Variants in BMPR1B observed in about 807,000 individuals in gnomAD.
BMPR1B encodes the protein bone morphogenetic protein receptor type-1B.
In BMPR1B, 12 loss-of-function variants were observed where a neutral mutation model predicts 59.1. The observed-to-expected ratio is 0.20, with a 90% CI of 0.13 to 0.33. BMPR1B has a LOEUF of 0.33. BMPR1B is among the 10% of genes least tolerant of loss of function. The pLI is 1.00. For missense variants in BMPR1B, 550 were observed against 610.9 expected, an observed-to-expected ratio of 0.90 and a Z score of 1.05; for synonymous variants, 237 against 207.3, an observed-to-expected ratio of 1.14 and a Z score of -1.23.
chr4:94,935,953 T>A (rs567705733), intron 2 of BMPR1B, among the ~76,000 whole-genome samples: 35 of 150,182 alleles, frequency 2.3e-4, no homozygotes, highest in Non-Finnish European at 4.6e-4. Flanking sequence ...GTTGTTAGAC[T>A]ATAATGTAAG....
intron 3 of BMPR1B, among the ~76,000 whole-genome samples, chr4:95,064,488 C>A (rs1727651403): frequency 6.6e-6 from 1 of 152,140 alleles, no homozygotes; most frequent in Non-Finnish European, 1.5e-5. Context: ...CCCACCACCC[C>A]TCCCACCCCT....
chr4:94,855,350 C>G (rs1725714776), intron 1 of BMPR1B, among the ~76,000 whole-genome samples: 1 of 152,244 alleles, frequency 6.6e-6, no homozygotes, highest in Non-Finnish European at 1.5e-5. Context: ...TTATCTTGCT[C>G]AAGGTCACAC....
At chr4:94,979,301 T>C (rs573264251) in intron 2 of BMPR1B, among the ~76,000 whole-genome samples, 1 of 152,326 alleles carries the variant, frequency 6.6e-6, no homozygotes, top group East Asian at 1.9e-4. Context: ...CCAAAGTTAA[T>C]AGACTGTAGG....
rs111576213 is a variant in BMPR1B, at chr4:95,039,253, C to T, written c.-18+43119C>T. The stretch of plus-strand genomic sequence containing the variant: ...CTTGAGTTTCTTACTTCTCTTATTT[C>T]GTGCACATTAAATATCTTATGCTTT... On this transcript the variant is annotated intron_variant, in intron 3 of 12. Transcript: ENST00000515059. Among the ~76,000 whole-genome samples, 445 of 152,208 alleles carry T rather than the reference C, an allele frequency of 2.9e-3. 1 individual carries two copies. Among genetic ancestry groups the T allele is most frequent in the African/African-American group, 0.01 (417 of 41,540 alleles).
intron 2 of BMPR1B, among the ~76,000 whole-genome samples, chr4:94,915,427 C>T (rs1159520304): frequency 1.3e-5 from 2 of 152,194 alleles, no homozygotes; most frequent in East Asian, 3.9e-4. Context: ...CACCCCTCCT[C>T]CCATGCTTAC....
chr4:94,998,572 C>T (rs1026666935), intron 3 of BMPR1B, among the ~76,000 whole-genome samples: 1 of 152,034 alleles, frequency 6.6e-6, no homozygotes, highest in Non-Finnish European at 1.5e-5. Context: ...AGGGTTTCTC[C>T]ATGTTAGTCA....
chr4:94,841,370 G>A (rs1217867789), intron 1 of BMPR1B, among the ~76,000 whole-genome samples: 8 of 150,286 alleles, frequency 5.3e-5, no homozygotes, highest in South Asian at 4.2e-4. Context: ...CCTCGCTGCC[G>A]CCTTGCAGTT....
chr4:94,921,582 A>G (rs886982255), intron 2 of BMPR1B, among the ~76,000 whole-genome samples: 1 of 151,988 alleles, frequency 6.6e-6, no homozygotes. Flanking sequence ...ACCGCATCTC[A>G]TGAGAACTCA....
intron 1 of BMPR1B, among the ~76,000 whole-genome samples, chr4:94,800,532 C>G (rs1208032161): frequency 4.1e-5 from 6 of 147,350 alleles, no homozygotes; most frequent in Admixed American, 3.4e-4. Flanking sequence ...GAGTCCAGCA[C>G]TCTTGTGGAC....
At position 95,148,726 on chromosome 4, in the gene BMPR1B, C is replaced by A. The variant is rs183383928; in HGVS notation, c.1077-22C>A. The A allele has an allele frequency of 4.3e-6, 7 of 1,611,638 alleles. No homozygotes were observed. The African/African-American group carries it at 5.3e-5, about 12-fold the overall frequency. ...GTTGGTCCTCTTCAATGCTGTAATG[C>A]TTTGCTTTACTTTTTCCTTAGTGAT... is the stretch of plus-strand genomic sequence containing the variant. On this transcript the variant is annotated intron_variant, in intron 10 of 12. Coordinates refer to ENST00000515059, the MANE Select transcript of BMPR1B (RefSeq NM_001203.3).
chr4:94,886,539 A>G (rs1392974350), intron 2 of BMPR1B, among the ~76,000 whole-genome samples: 1 of 152,230 alleles, frequency 6.6e-6, no homozygotes, highest in Non-Finnish European at 1.5e-5. Flanking sequence ...TTTAAAAGTC[A>G]TGGGACATGT....
intron 3 of BMPR1B, among the ~76,000 whole-genome samples, chr4:95,009,966 A>T (rs968150778): frequency 1.3e-5 from 2 of 152,214 alleles, no homozygotes; most frequent in African/African-American, 2.4e-5. Context: ...ACCAAATGAG[A>T]ACATGAACTT....
intron 1 of BMPR1B, among the ~76,000 whole-genome samples, chr4:94,841,088 C>T (rs1486717484): frequency 6.7e-6 from 1 of 148,636 alleles, no homozygotes; most frequent in Non-Finnish European, 1.5e-5. Context: ...TGTCAGGGGT[C>T]AGGGACCCAC....
At chr4:94,783,181 G>A (rs1414050083) in intron 1 of BMPR1B, among the ~76,000 whole-genome samples, 1 of 152,156 alleles carries the variant, frequency 6.6e-6, no homozygotes, top group East Asian at 1.9e-4. Context: ...CTGGCCGATT[G>A]TTCTATTGTT....
intron 2 of BMPR1B, among the ~76,000 whole-genome samples, chr4:94,877,934 GTGTT>G (rs1726793134): frequency 6.6e-6 from 1 of 152,148 alleles, no homozygotes; most frequent in Non-Finnish European, 1.5e-5. Flanking sequence ...TATATTTCCT[GTGTT>G]TGTGTGCATG....
At chr4:94,970,239 T>C (rs1057082992) in intron 2 of BMPR1B, among the ~76,000 whole-genome samples, 49 of 127,432 alleles carry the variant, frequency 3.8e-4, no homozygotes, top group African/African-American at 1.2e-3. Context: ...CTGTTTGTTT[T>C]TCTTCTCTTC....
Position 94,789,494 on chromosome 4 carries a change from T to C in BMPR1B, c.-183+31426T>C, listed in dbSNP as rs189222464. On this transcript the variant is annotated intron_variant, in intron 1 of 12. Coordinates refer to ENST00000515059, the MANE Select transcript of BMPR1B (RefSeq NM_001203.3). ...AGCAGTTGCTGGGCTAAAGGCGTTGTTGATGTTGTGAGTTGTCTCCACTGC... is the reference window on the plus strand; with the variant it reads ...AGCAGTTGCTGGGCTAAAGGCGTTGCTGATGTTGTGAGTTGTCTCCACTGC... 5.3e-4 allele frequency among the ~76,000 whole-genome samples: 80 copies of C among 152,298 alleles called. No individual in the cohort carries two copies. In the Middle Eastern group the frequency reaches 0.01, roughly 19 times the overall value.
rs1412475036 is a variant in BMPR1B, at chr4:95,156,902, G to A, written c.*2229G>A. On this transcript the variant is annotated 3_prime_UTR_variant, in exon 13 of 13. Coordinates refer to ENST00000515059, the MANE Select transcript of BMPR1B (RefSeq NM_001203.3). Reference sequence around the variant, plus strand: ...TAAACAGATCATCTACAAAACAACAGGTAAACATTTATGCCAGTTAAGTGG... The same window carrying A: ...TAAACAGATCATCTACAAAACAACAAGTAAACATTTATGCCAGTTAAGTGG... 1 of 152,174 alleles carries A rather than the reference G, an allele frequency of 6.6e-6. No homozygotes were observed. Among genetic ancestry groups the A allele is most frequent in the East Asian group, 1.9e-4 (1 of 5,166 alleles). The allele number at this position is 152,174 out of a possible 1,614,324, so 9.4% of individuals were successfully genotyped here.
intron 3 of BMPR1B, among the ~76,000 whole-genome samples, chr4:95,093,969 C>G (rs1383611361): frequency 6.6e-6 from 1 of 152,090 alleles, no homozygotes; most frequent in African/African-American, 2.4e-5. Flanking sequence ...CTGCCACACA[C>G]AAAGTAATCT....
Sources: gnomAD v4.1 joint callset for allele counts (sites outside exome capture counted in the v4.1 genomes callset) on GRCh38, gnomAD v4.1.1 for gene constraint, MANE v1.5 for transcripts, NCBI Gene and HGNC (gene_info 2026-07-23, HGNC 2026-07-21) for gene names.